Variants in BIRC6 observed in about 807,000 individuals in gnomAD.
The protein encoded by BIRC6 is baculoviral IAP repeat containing 6.
Under a neutral mutation model 503.3 loss-of-function variants are expected in BIRC6, and 98 were observed. The ratio of observed to expected loss-of-function variants is 0.19; its 90% confidence interval spans 0.17 to 0.23. The LOEUF (loss-of-function observed/expected upper bound fraction) is 0.23, where lower values mean the gene tolerates loss of function less well. Among genes scored for constraint, BIRC6 ranks in the 10% least tolerant of loss-of-function variants. The pLI is 1.00. For synonymous variants in BIRC6, 2,240 were observed against 2,078.7 expected (o/e 1.08, Z -2.11); for missense variants, 5,360 against 5,806.0 (o/e 0.92, Z 2.50).
chr2:32,574,803 C>T lies in BIRC6; in HGVS notation c.13145-353C>T, dbSNP rs927717057. ...CACTCTTGTGGCCCAGGCTGGAGTG[C>T]AATGGCATGATCTTGGCTCACTATA... On this transcript the variant is annotated intron_variant, in intron 65 of 73. Transcript: ENST00000421745. The T allele has an allele frequency of 1.6e-5, 5 of 303,694 alleles. No homozygotes were observed. The Admixed American group carries it at 1.9e-4, about 11-fold the overall frequency. 18.8% of individuals were successfully genotyped at this position (303,694 alleles called of 1,614,324 possible).
intron 25 of BIRC6, 102 bp downstream of exon 25, chr2:32,464,925 CAA>C (rs1482302777): frequency 7.0e-7 from 1 of 1,425,398 alleles, no homozygotes; most frequent in African/African-American, 1.4e-5. Flanking sequence ...CTAGATGTAT[CAA>C]GTTATTTTCT....
intron 70 of BIRC6, among the ~76,000 whole-genome samples, chr2:32,600,912 T>C (rs1424739133): frequency 6.6e-6 from 1 of 152,200 alleles, no homozygotes; most frequent in Non-Finnish European, 1.5e-5. Flanking sequence ...TCCAATGTTT[T>C]GGCTTCCCTG....
intron 63 of BIRC6, among the ~76,000 whole-genome samples, 187 bp downstream of exon 63, chr2:32,546,047 A>C (rs895004259): frequency 2.0e-5 from 3 of 152,176 alleles, no homozygotes; most frequent in African/African-American, 7.2e-5. Flanking sequence ...GTAAACCAAA[A>C]AGAAACCTAT....
intron 45 of BIRC6, among the ~76,000 whole-genome samples, chr2:32,497,662 A>G (rs891502774): frequency 5.9e-5 from 9 of 152,184 alleles, no homozygotes; most frequent in Non-Finnish European, 8.8e-5. Context: ...TATAGGATCT[A>G]TAAGTTTCCT....
intron 34 of BIRC6, among the ~76,000 whole-genome samples, chr2:32,477,097 ATAACT>A (rs2049851878): frequency 6.6e-6 from 1 of 152,170 alleles, no homozygotes; most frequent in Non-Finnish European, 1.5e-5. Flanking sequence ...ATTTGACTTA[ATAACT>A]TAATATATTA....
At chr2:32,445,157 T>G (rs2045823325) in intron 20 of BIRC6, among the ~76,000 whole-genome samples, 1 of 152,238 alleles carries the variant, frequency 6.6e-6, no homozygotes, top group South Asian at 2.1e-4. Flanking sequence ...TAAGGATGAT[T>G]TGAAGGACCT....
rs759940359 is a variant in BIRC6, at chr2:32,479,453, T to C, written c.7253-9T>C. ...AATTATTAAAACAGGACTATCCCCTTACATACAGGAGAATTACTGGCTCCA... is the reference window on the plus strand; with the variant it reads ...AATTATTAAAACAGGACTATCCCCTCACATACAGGAGAATTACTGGCTCCA... On this transcript the variant is annotated splice_polypyrimidine_tract_variant and intron_variant, in intron 36 of 73. Coordinates refer to ENST00000421745, the MANE Select transcript of BIRC6 (RefSeq NM_016252.4). 1.3e-6 allele frequency: 2 copies of C among 1,590,720 alleles called. No individual in the cohort carries two copies. The highest frequency in any genetic ancestry group is 2.3e-5 in the South Asian group (2 of 87,574).
At chr2:32,456,605 CAG>C (rs1015876731) in intron 23 of BIRC6, among the ~76,000 whole-genome samples, 3 of 152,156 alleles carry the variant, frequency 2.0e-5, no homozygotes, top group African/African-American at 7.2e-5. Flanking sequence ...GTCAAATACT[CAG>C]AGTATTGATC....
intron 42 of BIRC6, 110 bp downstream of exon 42, chr2:32,488,824 G>A: frequency 1.3e-6 from 1 of 786,774 alleles, no homozygotes; most frequent in Non-Finnish European, 1.8e-6. Flanking sequence ...ACATTCTAGT[G>A]GGGAAAAAAC....
intron 52 of BIRC6, 71 bp from the exon 53 acceptor site, chr2:32,510,450 TAATTC>T (rs1572709377): frequency 2.3e-6 from 2 of 853,704 alleles, no homozygotes; most frequent in Non-Finnish European, 3.9e-6. Flanking sequence ...ATGAATAACT[TAATTC>T]AATTAAGTAA....
chr2:32,445,916 G>C (rs1334886901), intron 21 of BIRC6, among the ~76,000 whole-genome samples: 1 of 151,710 alleles, frequency 6.6e-6, no homozygotes, highest in Non-Finnish European at 1.5e-5. Context: ...GGAGTGCAAT[G>C]GTGTGATCTC....
At chr2:32,610,832 G>A (rs568276330) in intron 72 of BIRC6, among the ~76,000 whole-genome samples, 39 of 151,870 alleles carry the variant, frequency 2.6e-4, no homozygotes, top group Admixed American at 9.8e-4. Context: ...GCAGTGGCGG[G>A]ATCTCAGTTC....
At chr2:32,564,465 T>G (rs1384072471) in intron 65 of BIRC6, 1 of 152,214 alleles carries the variant, frequency 6.6e-6, no homozygotes, top group Admixed American at 6.5e-5. Context: ...TGCTTTGAAT[T>G]CCTTTGGTAA....
intron 47 of BIRC6, among the ~76,000 whole-genome samples, 171 bp from the exon 48 acceptor site, chr2:32,502,624 G>T (rs1050376447): frequency 6.6e-6 from 1 of 152,096 alleles, no homozygotes; most frequent in Non-Finnish European, 1.5e-5. Flanking sequence ...CAGGGAGATG[G>T]TTTTTTTATT....
intron 4 of BIRC6, 71 bp downstream of exon 4, chr2:32,389,014 T>C: frequency 9.9e-7 from 1 of 1,010,018 alleles, no homozygotes; most frequent in Non-Finnish European, 1.3e-6. Flanking sequence ...AAGGAATAAC[T>C]AGAAAATCTG....
chr2:32,548,365 CTTTTTT>C (rs1202755440), intron 64 of BIRC6, among the ~76,000 whole-genome samples: 1 of 73,364 alleles, frequency 1.4e-5, no homozygotes, highest in African/African-American at 5.5e-5. Flanking sequence ...TGGTTGCTTA[CTTTTTT>C]TTTTTTTTTT....
chr2:32,402,006 T>C (rs2040655883), intron 8 of BIRC6, among the ~76,000 whole-genome samples: 1 of 152,224 alleles, frequency 6.6e-6, no homozygotes, highest in African/African-American at 2.4e-5. Flanking sequence ...GTTTTTTCAT[T>C]AGCACCTCAA....
At chr2:32,537,613 G>A (rs1197450536) in intron 61 of BIRC6, among the ~76,000 whole-genome samples, 1 of 152,146 alleles carries the variant, frequency 6.6e-6, no homozygotes, top group Non-Finnish European at 1.5e-5. Context: ...AGAATAAAAA[G>A]TATGGGATTA....
chr2:32,611,727 C>A, intron 73 of BIRC6, 145 bp downstream of exon 73: 1 of 905,388 alleles, frequency 1.1e-6, no homozygotes, highest in Non-Finnish European at 1.5e-6. Flanking sequence ...AATTGTTACT[C>A]AGAAGTCTAT....
Sources: allele counts gnomAD v4.1 joint callset (sites outside exome capture counted in the v4.1 genomes callset), GRCh38; gene constraint gnomAD v4.1.1; transcripts MANE v1.5; gene names NCBI Gene and HGNC (gene_info 2026-07-23, HGNC 2026-07-21).